The following PLBD1 variants were observed in gnomAD, a reference collection of about 807,000 sequenced individuals.
PLBD1 encodes the protein lysosomal leucine aminopeptidase.
PLBD1 carries 60 observed loss-of-function variants against 63.0 expected under a neutral mutation model. The observed-to-expected ratio is 0.95, with a 90% confidence interval of 0.77 to 1.18. The LOEUF is 1.18. Ranked by LOEUF, PLBD1 falls within the 50% of genes most tolerant of loss-of-function variation. The probability of loss-of-function intolerance (pLI) is 0.00; values close to 1 mark genes in which losing one functional copy is unlikely to be tolerated. For synonymous variants in PLBD1, 262 were observed against 248.0 expected (o/e 1.06, Z -0.53); for missense variants, 598 against 677.9 (o/e 0.88, Z 1.31).
chr12:14,515,404 T>C (rs1284346608), intron 6 of PLBD1, among the ~76,000 whole-genome samples: 2 of 151,686 alleles, frequency 1.3e-5, no homozygotes, highest in African/African-American at 2.4e-5. Context: ...CAAAGAAAGG[T>C]ACTTAAAAAA....
At chr12:14,559,228 CTG>C (rs1945728871) in intron 1 of PLBD1, among the ~76,000 whole-genome samples, 1 of 152,164 alleles carries the variant, frequency 6.6e-6, no homozygotes, top group Non-Finnish European at 1.5e-5. Flanking sequence ...AAAGCGCGGA[CTG>C]TTTCTGCTTA....
rs142829164 is a variant in PLBD1 at position 14,536,080 on chromosome 12, G to A, written c.700-277C>T. On this transcript the variant is annotated intron_variant, in intron 5 of 10. Transcript: ENST00000240617. ...GGAGGCCAAGGCAGGCGGATCACTTGAGGTCAGGAGTTTGAGACAAGCCTG... is the reference window on the plus strand; with the variant it reads ...GGAGGCCAAGGCAGGCGGATCACTTAAGGTCAGGAGTTTGAGACAAGCCTG... 8 of 339,016 alleles carry A rather than the reference G, an allele frequency of 2.4e-5. No individual in the cohort carries two copies. In the Admixed American group the frequency reaches 3.3e-4, roughly 14 times the overall value. The allele number at this position is 339,016 out of a possible 1,614,324, so 21.0% of individuals were successfully genotyped here.
In PLBD1 at chr12:14,542,117, A is replaced by G. The variant is rs534525186; in HGVS notation, c.419+91T>C. On this transcript the variant is annotated intron_variant, in intron 3 of 10. Transcript: ENST00000240617. ...TCTAGAGTCCTGCTAAAGAGATTAA[A>G]AAGAAATTGGCAAAAAATTGCTGCT... The G allele has an allele frequency of 5.5e-6, 6 of 1,091,952 alleles. No homozygotes were observed. In the South Asian group the frequency reaches 6.5e-5, roughly 12 times the overall value. The allele number at this position is 1,091,952 out of a possible 1,614,324, so 67.6% of individuals were successfully genotyped here.
chr12:14,529,040 A>C lies in PLBD1; in HGVS notation c.844+6619T>G, dbSNP rs114403904. Among the ~76,000 whole-genome samples the C allele has an allele frequency of 7.7e-3, 1,171 of 152,226 alleles. 17 individuals are homozygous for C. Among genetic ancestry groups the C allele is most frequent in the African/African-American group, 0.026 (1,091 of 41,558 alleles). On this transcript the variant is annotated intron_variant, in intron 6 of 10. Transcript: ENST00000240617. ...GTGAATTCTATTAAACACTTAAAGA[A>C]GAAAATGGGCTGGGCACAGTGGCTC...
intron 6 of PLBD1, among the ~76,000 whole-genome samples, chr12:14,521,079 G>A (rs1945371331): frequency 6.6e-6 from 1 of 152,114 alleles, no homozygotes; most frequent in African/African-American, 2.4e-5. Flanking sequence ...CACTGTGCTT[G>A]TAAACAGTAG....
intron 1 of PLBD1, among the ~76,000 whole-genome samples, chr12:14,556,163 G>A (rs1945701857): frequency 6.6e-6 from 1 of 152,204 alleles, no homozygotes; most frequent in Non-Finnish European, 1.5e-5. Context: ...GAGGACGCCA[G>A]AATGACTATC....
At chr12:14,564,379 G>A (rs184343302) in intron 1 of PLBD1, among the ~76,000 whole-genome samples, 1 of 152,282 alleles carries the variant, frequency 6.6e-6, no homozygotes, top group Non-Finnish European at 1.5e-5. Flanking sequence ...GGTAAGCCAT[G>A]GCAATGTGGA....
chr12:14,562,142 G>C (rs775976207), intron 1 of PLBD1, among the ~76,000 whole-genome samples: 3 of 152,102 alleles, frequency 2.0e-5, no homozygotes, highest in Non-Finnish European at 4.4e-5. Flanking sequence ...TCAATCAAGA[G>C]ACTTCCACAG....
intron 1 of PLBD1, among the ~76,000 whole-genome samples, chr12:14,567,251 A>G (rs1337728004): frequency 1.3e-5 from 2 of 152,236 alleles, no homozygotes; most frequent in African/African-American, 4.8e-5. Context: ...AATCTGGATA[A>G]ATATATTTAG....
intron 3 of PLBD1, 125 bp from the exon 4 acceptor site, chr12:14,541,027 G>A: frequency 9.5e-7 from 1 of 1,056,122 alleles, no homozygotes; most frequent in Non-Finnish European, 1.3e-6. Flanking sequence ...TCTAGATCTT[G>A]TAACACTCCA....
intron 6 of PLBD1, chr12:14,531,329 G>T (rs1169625751): frequency 6.6e-6 from 1 of 152,134 alleles, no homozygotes; most frequent in African/African-American, 2.4e-5. Context: ...TTTGGAACCT[G>T]TTTGTTTTGA....
chr12:14,520,367 T>C (rs1350721319), intron 6 of PLBD1, among the ~76,000 whole-genome samples: 1 of 152,200 alleles, frequency 6.6e-6, no homozygotes, highest in Non-Finnish European at 1.5e-5. Flanking sequence ...GAAGACCAGG[T>C]TGAAGCAGCA....
chr12:14,522,436 G>GA (rs1488794762), intron 6 of PLBD1, among the ~76,000 whole-genome samples: 3 of 152,206 alleles, frequency 2.0e-5, no homozygotes, highest in Admixed American at 2.0e-4. Flanking sequence ...AAACATTAAA[G>GA]AAAAACTAAT....
chr12:14,504,588 C>G (rs1945236141), intron 10 of PLBD1, among the ~76,000 whole-genome samples: 1 of 152,144 alleles, frequency 6.6e-6, no homozygotes, highest in African/African-American at 2.4e-5. Flanking sequence ...GGCTGATAAC[C>G]CTACTTCATA....
intron 4 of PLBD1, among the ~76,000 whole-genome samples, chr12:14,538,641 T>C (rs1945539773): frequency 6.6e-6 from 1 of 152,358 alleles, no homozygotes; most frequent in East Asian, 1.9e-4. Flanking sequence ...TTCATTTTGC[T>C]TGTGTTTGAG....
chr12:14,531,305 C>T (rs1438799069), intron 6 of PLBD1: 1 of 152,160 alleles, frequency 6.6e-6, no homozygotes, highest in Non-Finnish European at 1.5e-5. Flanking sequence ...ACTGTTATTA[C>T]AAAACCATGA....
chr12:14,507,115 T>C lies in PLBD1; in HGVS notation c.1190A>G (p.Tyr397Cys), dbSNP rs1945262808. The C allele has an allele frequency of 6.3e-7, 1 of 1,596,888 alleles. No homozygotes were observed. The highest frequency in any genetic ancestry group is 2.2e-5 in the East Asian group (1 of 44,552). ...GAAAGGAACATTGTAGGAGGGCCAA[T>C]ATCCTGATTTGGAATGGAAGGGAAG... Reference protein sequence around the residue: ...SEQTDVLRKGYWPSYNVPFHE... With the variant: ...SEQTDVLRKGCWPSYNVPFHE... The change falls in exon 9 of 11, where the codon TAT becomes TGT. Residue 397 changes from tyrosine to cysteine, a missense_variant. By Grantham distance (194) the Tyr-to-Cys change is radical. Coordinates refer to ENST00000240617, the MANE Select transcript of PLBD1 (RefSeq NM_024829.6).
At chr12:14,535,867 G>A (rs1029768442) in intron 5 of PLBD1, 64 bp from the exon 6 acceptor site, 4 of 1,523,606 alleles carry the variant, frequency 2.6e-6, no homozygotes, top group Non-Finnish European at 3.6e-6. Flanking sequence ...ATTGTCTTAA[G>A]TGTAAGAGGC....
Position 14,503,964 on chromosome 12 carries a change from GGGA to G in PLBD1, c.1480-13_1480-11del, listed in dbSNP as rs573390331. On this transcript the variant is annotated splice_polypyrimidine_tract_variant and intron_variant, in intron 10 of 10. Transcript: ENST00000240617. ...GGTAGATATCTGCCACCTGGAAAGA[GGGA>G]GGAGGAGGACATTTTAGAAAATCAT... is the stretch of plus-strand genomic sequence containing the variant. The G allele has an allele frequency of 3.7e-3, 5,862 of 1,590,124 alleles. 17 individuals carry two copies. The highest frequency in any genetic ancestry group is 4.6e-3 in the Non-Finnish European group (5,348 of 1,165,662).
Sources: allele counts gnomAD v4.1 joint callset (sites outside exome capture counted in the v4.1 genomes callset), GRCh38; gene constraint gnomAD v4.1.1; transcripts MANE v1.5; gene names NCBI Gene and HGNC (gene_info 2026-07-23, HGNC 2026-07-21).